The following PRORP variants were observed in gnomAD, a reference collection of about 807,000 sequenced individuals.
PRORP encodes mitochondrial ribonuclease P catalytic subunit.
In PRORP, 51 loss-of-function variants were observed where a neutral mutation model predicts 59.4. The ratio of observed to expected loss-of-function variants is 0.86; its 90% CI spans 0.69 to 1.08. The LOEUF is 1.08. Among genes scored for constraint, PRORP ranks in the 50% least tolerant of loss-of-function variants. The pLI, the probability that PRORP is intolerant of heterozygous loss-of-function variation, is 0.00. For synonymous variants in PRORP, 231 were observed against 245.6 expected (o/e 0.94, Z 0.55); for missense variants, 646 against 690.3 (o/e 0.94, Z 0.72).
intron 5 of PRORP, among the ~76,000 whole-genome samples, chr14:35,221,509 T>C (rs777154740): frequency 2.0e-5 from 3 of 152,302 alleles, no homozygotes; most frequent in Middle Eastern, 3.4e-3. Flanking sequence ...TTTGTCTTGA[T>C]TGGGGAGTTT....
chr14:35,133,460 G>C lies in PRORP; in HGVS notation c.1167+5849G>C, dbSNP rs566937626. 2.0e-5 allele frequency among the ~76,000 whole-genome samples: 3 copies of C among 152,142 alleles called. No homozygotes were observed. In the East Asian group the frequency reaches 5.8e-4, roughly 29 times the overall value. On this transcript the variant is annotated intron_variant, in intron 4 of 7. Coordinates refer to ENST00000534898, the MANE Select transcript of PRORP (RefSeq NM_014672.4). Reference sequence around the variant, plus strand: ...TGAGTTTACTCAGTAGAGCTATTTTGAATTCTCTGTCTGAAAGGTCACACA... The same window carrying C: ...TGAGTTTACTCAGTAGAGCTATTTTCAATTCTCTGTCTGAAAGGTCACACA...
chr14:35,161,362 A>G (rs1244885439), intron 4 of PRORP, among the ~76,000 whole-genome samples: 1 of 152,168 alleles, frequency 6.6e-6, no homozygotes, highest in Non-Finnish European at 1.5e-5. Flanking sequence ...TGATCGGTGA[A>G]GGGGCTTAAA....
chr14:35,157,241 C>G (rs978389842), intron 4 of PRORP, among the ~76,000 whole-genome samples: 12 of 151,898 alleles, frequency 7.9e-5, no homozygotes, highest in African/African-American at 2.7e-4. Flanking sequence ...AGGCGTGAGC[C>G]ACCGCGCCCG....
intron 4 of PRORP, among the ~76,000 whole-genome samples, chr14:35,173,943 T>C (rs1170572100): frequency 1.3e-5 from 2 of 152,028 alleles, no homozygotes; most frequent in Non-Finnish European, 2.9e-5. Flanking sequence ...TGGGACTCCG[T>C]TGGACTGTCA....
At chr14:35,267,023 A>C (rs1047431688) in intron 6 of PRORP, 148 bp downstream of exon 6, 11 of 778,176 alleles carry the variant, frequency 1.4e-5, no homozygotes, top group East Asian at 1.2e-4. Context: ...GACAACTTAC[A>C]AAACTACGGT....
At chr14:35,270,624 T>G in intron 7 of PRORP, 28 bp downstream of exon 7, 1 of 1,579,950 alleles carries the variant, frequency 6.3e-7, no homozygotes, top group Non-Finnish European at 8.7e-7. Flanking sequence ...TTATGTAATA[T>G]TAACAGAGTC....
chr14:35,225,759 G>A (rs1206535481), intron 5 of PRORP, among the ~76,000 whole-genome samples: 1 of 152,024 alleles, frequency 6.6e-6, no homozygotes, highest in Admixed American at 6.6e-5. Flanking sequence ...GTAGAAAACA[G>A]CTTAGGGCTG....
At chr14:35,264,981 T>A (rs2051004943) in intron 5 of PRORP, among the ~76,000 whole-genome samples, 1 of 152,114 alleles carries the variant, frequency 6.6e-6, no homozygotes, top group Admixed American at 6.5e-5. Flanking sequence ...AGAGCAAGAC[T>A]TCGTCTCAAA....
At chr14:35,230,330 G>C (rs531356054) in intron 5 of PRORP, among the ~76,000 whole-genome samples, 1 of 152,212 alleles carries the variant, frequency 6.6e-6, no homozygotes, top group African/African-American at 2.4e-5. Context: ...GGGATTACAG[G>C]CGTGAGCCAC....
At chr14:35,245,568 C>G (rs2138564503) in intron 5 of PRORP, among the ~76,000 whole-genome samples, 1 of 152,258 alleles carries the variant, frequency 6.6e-6, no homozygotes, top group Non-Finnish European at 1.5e-5. Flanking sequence ...TCGCTTGAGT[C>G]CAGGAGGTCT....
At chr14:35,198,396 G>A (rs1053951591) in intron 5 of PRORP, among the ~76,000 whole-genome samples, 2 of 152,200 alleles carry the variant, frequency 1.3e-5, no homozygotes, top group Admixed American at 1.3e-4. Context: ...CAGGAGAACA[G>A]TGGGTGAGCT....
chr14:35,128,505 G>A (rs1490964039), intron 4 of PRORP, among the ~76,000 whole-genome samples: 4 of 151,914 alleles, frequency 2.6e-5, no homozygotes, highest in East Asian at 3.9e-4. Flanking sequence ...TTATGGCTTC[G>A]ATCTCGTTAC....
At chr14:35,131,350 T>A (rs2047232517) in intron 4 of PRORP, among the ~76,000 whole-genome samples, 1 of 152,206 alleles carries the variant, frequency 6.6e-6, no homozygotes, top group Non-Finnish European at 1.5e-5. Context: ...TTATTTCTCC[T>A]TCATGTCTGA....
intron 4 of PRORP, among the ~76,000 whole-genome samples, chr14:35,167,120 A>G (rs2048204056): frequency 2.0e-5 from 3 of 152,158 alleles, no homozygotes; most frequent in African/African-American, 7.2e-5. Flanking sequence ...ACCTGCTTAT[A>G]CCACTTCTCT....
chr14:35,238,759 A>C (rs143949635), intron 5 of PRORP, among the ~76,000 whole-genome samples: 1 of 152,280 alleles, frequency 6.6e-6, no homozygotes, highest in East Asian at 1.9e-4. Flanking sequence ...ATTTTATCTG[A>C]AGGGCCAGAA....
At chr14:35,138,363 G>A (rs946984876) in intron 4 of PRORP, among the ~76,000 whole-genome samples, 1 of 145,472 alleles carries the variant, frequency 6.9e-6, no homozygotes, top group Non-Finnish European at 1.5e-5. Context: ...CCGTAATACC[G>A]TTCATTGTAA....
intron 3 of PRORP, among the ~76,000 whole-genome samples, chr14:35,126,990 T>C (rs1349142840): frequency 2.0e-5 from 3 of 152,168 alleles, no homozygotes; most frequent in African/African-American, 7.2e-5. Context: ...CTATATGAAG[T>C]CTTAGAGATG....
chr14:35,213,801 A>C (rs2049515091), intron 5 of PRORP, among the ~76,000 whole-genome samples: 1 of 152,176 alleles, frequency 6.6e-6, no homozygotes, highest in Non-Finnish European at 1.5e-5. Context: ...CAGTAGTAAC[A>C]TCCAAGATCA....
intron 5 of PRORP, among the ~76,000 whole-genome samples, chr14:35,250,226 G>A (rs753123056): frequency 6.0e-5 from 9 of 150,894 alleles, no homozygotes; most frequent in East Asian, 1.9e-4. Flanking sequence ...AGCGAGACTC[G>A]GTCTCAAAAA....
Sources: allele counts gnomAD v4.1 joint callset (sites outside exome capture counted in the v4.1 genomes callset), GRCh38; gene constraint gnomAD v4.1.1; transcripts MANE v1.5; gene names NCBI Gene and HGNC (gene_info 2026-07-23, HGNC 2026-07-21).